ANGPT2: variants seen among roughly 807,000 people sequenced by gnomAD.
ANGPT2 encodes the protein angiopoietin-2.
In ANGPT2, 28 loss-of-function variants were observed where a neutral mutation model predicts 62.9. That is an observed-to-expected ratio of 0.44 (90% confidence interval 0.33 to 0.61). The LOEUF is 0.61. Among genes scored for constraint, ANGPT2 ranks in the 20% least tolerant of loss-of-function variants. The pLI is 0.03. For missense variants in ANGPT2, 727 were observed against 594.9 expected, an observed-to-expected ratio of 1.22 and a Z score of -2.31; for synonymous variants, 284 against 207.8, an observed-to-expected ratio of 1.37 and a Z score of -3.15.
intron 1 of ANGPT2, among the ~76,000 whole-genome samples, chr8:6,552,512 AC>A (rs1439036393): frequency 6.6e-6 from 1 of 152,208 alleles, no homozygotes; most frequent in Non-Finnish European, 1.5e-5. Flanking sequence ...AGAACATTTA[AC>A]CCGATTAGGG....
chr8:6,513,335 C>CTTTTTTTT (rs1189719867), intron 7 of ANGPT2, among the ~76,000 whole-genome samples: 1 of 143,228 alleles, frequency 7.0e-6, no homozygotes. Flanking sequence ...TTTTCTTTTT[C>CTTTTTTTT]TTTTTTTTTT....
At position 6,520,014 on chromosome 8, in the gene ANGPT2, C is replaced by G. The variant is rs1057009494; in HGVS notation, c.800-23G>C. 3 of 1,610,772 alleles carry G rather than the reference C, an allele frequency of 1.9e-6. No individual in the cohort carries two copies. In the African/African-American group the frequency reaches 4.0e-5, roughly 22 times the overall value. On this transcript the variant is annotated intron_variant, in intron 4 of 8. Coordinates refer to ENST00000629816, the MANE Select transcript of ANGPT2 (RefSeq NM_001118887.2). ...TAGCTGCTTTTAAAAAATAGTAAGG[C>G]ATTTAAACGGAGTTCATGAAAAGAC...
chr8:6,537,377 A>T (rs1820696132), intron 1 of ANGPT2, among the ~76,000 whole-genome samples: 1 of 151,984 alleles, frequency 6.6e-6, no homozygotes, highest in South Asian at 2.1e-4. Flanking sequence ...CTCAGAACTC[A>T]AGTGAGTTAT....
chr8:6,507,829 C>T (rs546946180), intron 8 of ANGPT2: 1 of 139,508 alleles, frequency 7.2e-6, no homozygotes, highest in African/African-American at 2.4e-5. Context: ...GTGATCCGCC[C>T]TCCTTGGCCT....
At chr8:6,514,819 C>A (rs779579363) in intron 5 of ANGPT2, 41 bp from the exon 6 acceptor site, 71 of 1,557,470 alleles carry the variant, frequency 4.6e-5, no homozygotes, top group East Asian at 1.1e-4. Flanking sequence ...AGAGCCCCCC[C>A]ACTCCCCCCT....
rs1323898856 is a variant in ANGPT2 at position 6,505,460 on chromosome 8, AT to A, written c.1328-2200del. On this transcript the variant is annotated intron_variant, in intron 8 of 8. Coordinates refer to ENST00000629816, the MANE Select transcript of ANGPT2 (RefSeq NM_001118887.2). ...TATTCTTTATATACATATAGAATAT[AT>A]ATATTCTTTACATATATAGAATATA... 1.1e-3 allele frequency among the ~76,000 whole-genome samples: 78 copies of A among 70,170 alleles called. 6 individuals are homozygous for A. The highest frequency in any genetic ancestry group is 3.9e-3 in the African/African-American group (77 of 19,988). The allele number at this position is 70,170 out of a possible 152,430, so 46.0% of individuals were successfully genotyped here. A position where few individuals can be genotyped will look rare whatever the true frequency, so the allele number is the denominator to read the frequency against.
Position 6,503,188 on chromosome 8 carries a change from C to G in ANGPT2, c.1401G>C (p.Lys467Asn). ...AGTAGTACCATTTAATGCCGTTGAA[C>G]TTATTTGTGTTCTGCCTCTGTGGAT... ...MYYPQRQNTNKFNGIKWYYWK... is the reference protein window; with the variant it reads ...MYYPQRQNTNNFNGIKWYYWK... Residue 467 changes from lysine to asparagine, a missense_variant, in exon 9 of 9, where the codon AAG (lysine) becomes AAC (asparagine). Transcript: ENST00000629816. The G allele has an allele frequency of 6.2e-7, 1 of 1,614,120 alleles. No individual in the cohort carries two copies. The highest frequency in any genetic ancestry group is 8.5e-7 in the Non-Finnish European group (1 of 1,180,026).
At chr8:6,554,343 C>G (rs2129575175) in intron 1 of ANGPT2, among the ~76,000 whole-genome samples, 1 of 151,810 alleles carries the variant, frequency 6.6e-6, no homozygotes, top group Middle Eastern at 3.4e-3. Context: ...TGCTTGCTTC[C>G]TTTTAAGACT....
rs555375213 is a variant in ANGPT2, at chr8:6,555,663, G to A, written c.288+6984C>T. On this transcript the variant is annotated intron_variant, in intron 1 of 8. Coordinates refer to ENST00000629816, the MANE Select transcript of ANGPT2 (RefSeq NM_001118887.2). ...TTTTTGGTAGAGACGGGGTTTCATCGTGTTGGCCAGGCTGGTTTTGAACTC... is the reference window on the plus strand; with the variant it reads ...TTTTTGGTAGAGACGGGGTTTCATCATGTTGGCCAGGCTGGTTTTGAACTC... Among the ~76,000 whole-genome samples the A allele has an allele frequency of 5.3e-5, 8 of 151,988 alleles. No homozygotes were observed. In the South Asian group the frequency reaches 8.3e-4, roughly 16 times the overall value.
chr8:6,535,711 C>T (rs538131276), intron 1 of ANGPT2, among the ~76,000 whole-genome samples: 2 of 152,134 alleles, frequency 1.3e-5, no homozygotes, highest in East Asian at 3.9e-4. Context: ...AAGAATGGAA[C>T]AGAACCAAAA....
chr8:6,559,015 T>A (rs1422469791), intron 1 of ANGPT2, among the ~76,000 whole-genome samples: 1 of 152,138 alleles, frequency 6.6e-6, no homozygotes, highest in Non-Finnish European at 1.5e-5. Flanking sequence ...TTCCTTACTA[T>A]ATAGTAATAC....
chr8:6,532,574 TAAAAAAAAA>T (rs10662997), intron 1 of ANGPT2, 87 bp from the exon 2 acceptor site: 1 of 538,224 alleles, frequency 1.9e-6, no homozygotes, highest in Non-Finnish European at 2.7e-6. Flanking sequence ...TCCCTATCTT[TAAAAAAAAA>T]AAAAAAAAAT....
At chr8:6,526,887 T>A (rs1818444585) in intron 3 of ANGPT2, among the ~76,000 whole-genome samples, 1 of 152,208 alleles carries the variant, frequency 6.6e-6, no homozygotes, top group Non-Finnish European at 1.5e-5. Context: ...TACAATTTTT[T>A]TTCTATTGTT....
chr8:6,531,325 G>T (rs540141914), intron 2 of ANGPT2, among the ~76,000 whole-genome samples: 2 of 143,984 alleles, frequency 1.4e-5, no homozygotes, highest in Non-Finnish European at 3.0e-5. Flanking sequence ...GTCTCACTCT[G>T]TTGCCCAGGC....
chr8:6,541,150 G>A (rs1217831682), intron 1 of ANGPT2, among the ~76,000 whole-genome samples: 2 of 152,240 alleles, frequency 1.3e-5, no homozygotes, highest in Non-Finnish European at 2.9e-5. Context: ...TGAAGAGCAA[G>A]TTGGGCCCAG....
Position 6,533,569 on chromosome 8 carries a change from CTTTTTTTT to C in ANGPT2, c.289-1090_289-1083del, listed in dbSNP as rs56882906. The stretch of plus-strand genomic sequence containing the variant: ...ACTCCAGATACTTAGCGTTTAGTTT[CTTTTTTTT>C]TTTTTTTTTTTTTTTAAATAATCTA... On this transcript the variant is annotated intron_variant, in intron 1 of 8. Transcript: ENST00000629816. Among the ~76,000 whole-genome samples, 16 of 113,352 alleles carry C rather than the reference CTTTTTTTT, an allele frequency of 1.4e-4. No individual in the cohort carries two copies. In the South Asian group the frequency reaches 4.4e-3, roughly 31 times the overall value. 74.4% of individuals were successfully genotyped at this position (113,352 alleles called of 152,430 possible). A position where few individuals can be genotyped will look rare whatever the true frequency, so the allele number is the denominator to read the frequency against.
chr8:6,555,724 A>T (rs111382985), intron 1 of ANGPT2, among the ~76,000 whole-genome samples: 1 of 152,132 alleles, frequency 6.6e-6, no homozygotes, highest in Non-Finnish European at 1.5e-5. Context: ...CGGCCTCCGA[A>T]AGTGCTGCGA....
intron 1 of ANGPT2, among the ~76,000 whole-genome samples, chr8:6,559,097 G>A (rs899862622): frequency 3.9e-5 from 6 of 152,042 alleles, no homozygotes; most frequent in Non-Finnish European, 7.4e-5. Context: ...CTTGTCCTCC[G>A]CAGGAGGACC....
At chr8:6,505,208 AAT>A (rs71213310) in intron 8 of ANGPT2, among the ~76,000 whole-genome samples, 3,176 of 59,512 alleles carry the variant, frequency 0.053, 311 homozygotes, top group African/African-American at 0.072. Flanking sequence ...GTATATATAG[AAT>A]ATATATATAT....
Sources: allele counts gnomAD v4.1 joint callset (sites outside exome capture counted in the v4.1 genomes callset), GRCh38; gene constraint gnomAD v4.1.1; transcripts MANE v1.5; gene names NCBI Gene and HGNC (gene_info 2026-07-23, HGNC 2026-07-21).